The following PARD3B variants were observed in gnomAD, a reference collection of about 807,000 sequenced individuals.
PARD3B encodes partitioning defective 3 homolog B.
Under a neutral mutation model 130.2 loss-of-function variants are expected in PARD3B, and 103 were observed. The ratio of observed to expected loss-of-function variants is 0.79; its 90% CI spans 0.67 to 0.93. The LOEUF is 0.93. Among genes scored for constraint, PARD3B ranks in the 40% least tolerant of loss-of-function variants. The probability of loss-of-function intolerance (pLI) is 0.00; values close to 1 mark genes in which losing one functional copy is unlikely to be tolerated. For synonymous variants in PARD3B, 583 were observed against 553.2 expected (o/e 1.05, Z -0.76); for missense variants, 1,609 against 1,499.2 (o/e 1.07, Z -1.21).
At chr2:204,761,004 A>G (rs1205543624) in intron 2 of PARD3B, among the ~76,000 whole-genome samples, 1 of 152,148 alleles carries the variant, frequency 6.6e-6, no homozygotes, top group Non-Finnish European at 1.5e-5. Context: ...CATTTTACAG[A>G]TATTCTTTTA....
At chr2:204,919,150 T>C (rs1056253917) in intron 2 of PARD3B, among the ~76,000 whole-genome samples, 2 of 152,146 alleles carry the variant, frequency 1.3e-5, no homozygotes, top group African/African-American at 4.8e-5. Flanking sequence ...AGGCGTCTTA[T>C]TTTTTTATGC....
intron 2 of PARD3B, among the ~76,000 whole-genome samples, chr2:204,786,113 CAAAA>C (rs56704816): frequency 5.3e-5 from 5 of 94,022 alleles, no homozygotes; most frequent in Non-Finnish European, 6.6e-5. Context: ...GACTCCATCT[CAAAA>C]AAAAAAAAAA....
chr2:204,897,374 C>A (rs1317153438), intron 2 of PARD3B, among the ~76,000 whole-genome samples: 1 of 128,800 alleles, frequency 7.8e-6, no homozygotes, highest in African/African-American at 3.0e-5. Flanking sequence ...ACTATTAAAC[C>A]TGTAGGTACT....
At chr2:205,257,330 T>A (rs1574521903) in intron 16 of PARD3B, among the ~76,000 whole-genome samples, 1 of 86,500 alleles carries the variant, frequency 1.2e-5, no homozygotes, top group Admixed American at 1.0e-4. Flanking sequence ...AGCCAATCAG[T>A]TTTTTTTTTA....
intron 3 of PARD3B, among the ~76,000 whole-genome samples, chr2:205,045,405 G>A (rs1008009884): frequency 6.6e-6 from 1 of 151,718 alleles, no homozygotes; most frequent in African/African-American, 2.4e-5. Context: ...GTACCACCAT[G>A]CCTGGCTAAT....
At chr2:205,072,016 C>G (rs1244350577) in intron 4 of PARD3B, among the ~76,000 whole-genome samples, 1 of 151,916 alleles carries the variant, frequency 6.6e-6, no homozygotes, top group East Asian at 1.9e-4. Flanking sequence ...ATTATGAGTT[C>G]TTATTTGTAT....
At chr2:205,401,726 ATCTT>A (rs1307309378) in intron 19 of PARD3B, among the ~76,000 whole-genome samples, 1 of 152,164 alleles carries the variant, frequency 6.6e-6, no homozygotes, top group Non-Finnish European at 1.5e-5. Flanking sequence ...TCCTTCACGT[ATCTT>A]TGATGTTAAC....
At chr2:205,339,145 A>G (rs547584674) in intron 18 of PARD3B, among the ~76,000 whole-genome samples, 6 of 152,194 alleles carry the variant, frequency 3.9e-5, no homozygotes, top group Non-Finnish European at 8.8e-5. Flanking sequence ...TCAAGTTTAT[A>G]TAGTATTTTT....
intron 18 of PARD3B, among the ~76,000 whole-genome samples, chr2:205,318,852 A>T (rs747979262): frequency 3.3e-5 from 5 of 152,086 alleles, no homozygotes; most frequent in Non-Finnish European, 5.9e-5. Context: ...CTCAGGCCAC[A>T]CTTTATGGAG....
At chr2:205,170,661 C>A (rs957262355) in intron 11 of PARD3B, among the ~76,000 whole-genome samples, 16 of 152,176 alleles carry the variant, frequency 1.1e-4, no homozygotes, top group African/African-American at 3.9e-4. Context: ...AGCAGAGGGA[C>A]TTCCTCGGGC....
intron 2 of PARD3B, among the ~76,000 whole-genome samples, chr2:204,740,536 C>G (rs1367465044): frequency 2.6e-5 from 4 of 152,178 alleles, no homozygotes; most frequent in Non-Finnish European, 4.4e-5. Context: ...TGCCTGGTCT[C>G]TGCATCATGA....
At position 205,306,234 on chromosome 2, in the gene PARD3B, T is replaced by C. The variant is rs552014428; in HGVS notation, c.2630+4533T>C. Among the ~76,000 whole-genome samples the C allele has an allele frequency of 2.0e-5, 3 of 152,326 alleles. No homozygotes were observed. The East Asian group carries it at 5.8e-4, about 29-fold the overall frequency. On this transcript the variant is annotated intron_variant, in intron 18 of 22. Transcript: ENST00000406610. ...AAAGGAATGCAGCCTAACAACTCCT[T>C]GAACACCTTGGTTTTAGCCCTGTTG...
intron 2 of PARD3B, among the ~76,000 whole-genome samples, chr2:204,784,908 C>T (rs977884192): frequency 6.6e-6 from 1 of 152,136 alleles, no homozygotes; most frequent in African/African-American, 2.4e-5. Flanking sequence ...TCTACTTTGA[C>T]AAAAGCCGTG....
At position 205,183,346 on chromosome 2, in the gene PARD3B, T is replaced by C. The variant is rs1351704507; in HGVS notation, c.1925-2418T>C. Among the ~76,000 whole-genome samples the C allele has an allele frequency of 6.6e-6, 1 of 152,212 alleles. No homozygotes were observed. The highest frequency in any genetic ancestry group is 6.5e-5 in the Admixed American group (1 of 15,282). On this transcript the variant is annotated intron_variant, in intron 13 of 22. Coordinates refer to ENST00000406610, the MANE Select transcript of PARD3B (RefSeq NM_001302769.2). This position sits in a 1 kb window ranked among gnomAD's most constrained non-coding sequence, Gnocchi z 5.2. ...TGATCACAAATACGTTCACCATCAC[T>C]GTGGAAGATGGACTGAGAGGTTGAG...
At chr2:205,529,133 CTG>C (rs1482193820) in intron 21 of PARD3B, among the ~76,000 whole-genome samples, 2 of 152,158 alleles carry the variant, frequency 1.3e-5, no homozygotes, top group East Asian at 1.9e-4. Flanking sequence ...GAACACATAA[CTG>C]TTTATCAGAA....
chr2:205,025,757 A>G (rs1407571035), intron 3 of PARD3B, among the ~76,000 whole-genome samples: 1 of 152,052 alleles, frequency 6.6e-6, no homozygotes, highest in East Asian at 1.9e-4. Context: ...TCTGACATCC[A>G]AGGCTGACTC....
intron 16 of PARD3B, among the ~76,000 whole-genome samples, chr2:205,272,172 A>AG (rs2040756726): frequency 6.6e-6 from 1 of 151,862 alleles, no homozygotes. Context: ...AAAAAAAAAA[A>AG]GAAGATGCTT....
At chr2:205,007,204 C>T (rs909120689) in intron 3 of PARD3B, among the ~76,000 whole-genome samples, 2 of 152,112 alleles carry the variant, frequency 1.3e-5, no homozygotes, top group Non-Finnish European at 2.9e-5. Context: ...TGCCTGCTTC[C>T]CCTTCACCTT....
At chr2:205,007,857 A>G (rs189630269) in intron 3 of PARD3B, among the ~76,000 whole-genome samples, 302 of 152,184 alleles carry the variant, frequency 2.0e-3, no homozygotes, top group Non-Finnish European at 3.4e-3. Context: ...AACGAAATCT[A>G]TGATTTTTTT....
Sources: gnomAD v4.1 joint callset for allele counts (sites outside exome capture counted in the v4.1 genomes callset) on GRCh38, gnomAD v4.1.1 for gene constraint, Gnocchi (gnomAD v3.1) non-coding constraint, MANE v1.5 for transcripts, NCBI Gene and HGNC (gene_info 2026-07-23, HGNC 2026-07-21) for gene names.